The following IFT88 variants were observed in gnomAD, a reference collection of about 807,000 sequenced individuals.
The protein encoded by IFT88 is intraflagellar transport protein 88 homolog.
In IFT88, 74 loss-of-function variants were observed where a neutral mutation model predicts 119.5. The ratio of observed to expected loss-of-function variants is 0.62; its 90% CI spans 0.51 to 0.75. The LOEUF (loss-of-function observed/expected upper bound fraction) is 0.75, where lower values mean the gene tolerates loss of function less well. Ranked by LOEUF, IFT88 falls within the 30% of genes least tolerant of loss-of-function variation. The probability of loss-of-function intolerance (pLI) is 0.00; values close to 1 mark genes in which losing one functional copy is unlikely to be tolerated. For missense variants in IFT88, 961 were observed against 977.7 expected, an observed-to-expected ratio of 0.98 and a Z score of 0.23; for synonymous variants, 279 against 316.7, an observed-to-expected ratio of 0.88 and a Z score of 1.26.
intron 24 of IFT88, among the ~76,000 whole-genome samples, chr13:20,672,209 C>G (rs909069894): frequency 6.6e-6 from 1 of 152,086 alleles, no homozygotes; most frequent in African/African-American, 2.4e-5. Flanking sequence ...CAGTCAAATT[C>G]AATTTATAAC....
At chr13:20,606,687 T>C (rs1239212349) in intron 13 of IFT88, among the ~76,000 whole-genome samples, 1 of 152,166 alleles carries the variant, frequency 6.6e-6, no homozygotes, top group East Asian at 1.9e-4. Flanking sequence ...GAGACCAGCC[T>C]GACCAATATG....
chr13:20,570,623 G>T (rs1469375252), intron 1 of IFT88, among the ~76,000 whole-genome samples: 2 of 152,118 alleles, frequency 1.3e-5, no homozygotes, highest in Non-Finnish European at 2.9e-5. Flanking sequence ...GCTACATATT[G>T]TGTAATTTCC....
At chr13:20,640,522 G>A (rs1276594646) in intron 17 of IFT88, among the ~76,000 whole-genome samples, 1 of 151,824 alleles carries the variant, frequency 6.6e-6, no homozygotes, top group Non-Finnish European at 1.5e-5. Flanking sequence ...GCAGTGAGCC[G>A]AGATTGTGCC....
chr13:20,645,347 C>T (rs2050580702), intron 20 of IFT88, among the ~76,000 whole-genome samples: 1 of 152,178 alleles, frequency 6.6e-6, no homozygotes, highest in Non-Finnish European at 1.5e-5. Flanking sequence ...GCCTCAGCCT[C>T]CCAAAGTGCT....
chr13:20,675,981 G>C (rs1421033473), intron 24 of IFT88, among the ~76,000 whole-genome samples: 1 of 152,196 alleles, frequency 6.6e-6, no homozygotes, highest in Admixed American at 6.5e-5. Context: ...TTTGATCAAA[G>C]CACTGCTTGA....
intron 24 of IFT88, among the ~76,000 whole-genome samples, chr13:20,682,284 C>T (rs1008037731): frequency 2.6e-5 from 4 of 152,184 alleles, no homozygotes; most frequent in African/African-American, 7.2e-5. Flanking sequence ...AATGCTGTGT[C>T]GGAAAAATCA....
intron 14 of IFT88, among the ~76,000 whole-genome samples, chr13:20,624,036 T>A (rs2046934226): frequency 6.6e-6 from 1 of 152,226 alleles, no homozygotes; most frequent in African/African-American, 2.4e-5. Context: ...TATTATCTTT[T>A]CCTTTTTTGA....
Position 20,568,107 on chromosome 13 carries a change from G to T in IFT88, c.-7+851G>T, listed in dbSNP as rs141865659. The T allele has an allele frequency of 3.5e-3, 2,376 of 669,414 alleles. 78 individuals are homozygous for T. In the East Asian group the frequency reaches 0.061, roughly 17 times the overall value. The allele number at this position is 669,414 out of a possible 1,614,324, so 41.5% of individuals were successfully genotyped here. ...CAAAGCCGTCCTGTGCCACGTGCGG[G>T]CCGGGGTTGGAAAAGCTTGAAGTAG... On this transcript the variant is annotated intron_variant, in intron 1 of 25. Transcript: ENST00000351808.
At position 20,590,961 on chromosome 13, in the gene IFT88, T is replaced by C; in HGVS notation, c.211-6T>C. The C allele has an allele frequency of 6.2e-7, 1 of 1,602,476 alleles. No individual in the cohort carries two copies. The highest frequency in any genetic ancestry group is 8.5e-7 in the Non-Finnish European group (1 of 1,171,970). On this transcript the variant is annotated splice_polypyrimidine_tract_variant and splice_region_variant and intron_variant, in intron 4 of 25. Transcript: ENST00000351808. ...ATCTTTTTAACTTAACTTTTCTGTT[T>C]ACTAGTCCAAGACATCTCTGGCATC... is the stretch of plus-strand genomic sequence containing the variant.
intron 14 of IFT88, among the ~76,000 whole-genome samples, chr13:20,616,618 A>G (rs2045651091): frequency 6.6e-6 from 1 of 152,228 alleles, no homozygotes; most frequent in Non-Finnish European, 1.5e-5. Flanking sequence ...TTGCACAATG[A>G]TGAAATTGCC....
At chr13:20,656,219 C>A in intron 21 of IFT88, 146 bp from the exon 22 acceptor site, 2 of 294,854 alleles carry the variant, frequency 6.8e-6, no homozygotes, top group Non-Finnish European at 1.3e-5. Context: ...ACATTTTCTT[C>A]TAAAAGTTAT....
intron 24 of IFT88, among the ~76,000 whole-genome samples, chr13:20,684,032 G>A (rs538291779): frequency 6.6e-6 from 1 of 152,298 alleles, no homozygotes; most frequent in East Asian, 1.9e-4. Context: ...TTCTTTAACA[G>A]TCTCATTACA....
At chr13:20,681,890 G>A (rs912396267) in intron 24 of IFT88, among the ~76,000 whole-genome samples, 9 of 152,228 alleles carry the variant, frequency 5.9e-5, no homozygotes, top group Non-Finnish European at 1.5e-5. Context: ...TGAATAAGAA[G>A]CTTTACCATT....
At chr13:20,650,465 C>T (rs938151137) in intron 20 of IFT88, among the ~76,000 whole-genome samples, 1 of 152,130 alleles carries the variant, frequency 6.6e-6, no homozygotes, top group African/African-American at 2.4e-5. Flanking sequence ...GAAAGAACTT[C>T]CTTAACGTGT....
At chr13:20,650,472 G>A (rs553359565) in intron 20 of IFT88, among the ~76,000 whole-genome samples, 4 of 152,230 alleles carry the variant, frequency 2.6e-5, no homozygotes, top group Non-Finnish European at 4.4e-5. Context: ...CTTCCTTAAC[G>A]TGTTAAAGTA....
chr13:20,584,197 G>A (rs751125173), intron 3 of IFT88, among the ~76,000 whole-genome samples: 7 of 151,478 alleles, frequency 4.6e-5, no homozygotes, highest in Non-Finnish European at 1.0e-4. Context: ...GATTTGATAA[G>A]GATTGTATTG....
rs1209934278 is a variant in IFT88, at chr13:20,623,473, T to TTTTTG, written c.1200-2261_1200-2257dup. 3.9e-5 allele frequency among the ~76,000 whole-genome samples: 6 copies of TTTTTG among 152,096 alleles called. No homozygotes were observed. In the South Asian group the frequency reaches 6.2e-4, roughly 16 times the overall value. On this transcript the variant is annotated intron_variant, in intron 14 of 25. Coordinates refer to ENST00000351808, the MANE Select transcript of IFT88 (RefSeq NM_006531.5). ...TGGGACATGTTTCCATTTATTGATG[T>TTTTTG]TTTTGTTTTGTTTTGTTTTGAGATG...
intron 23 of IFT88, among the ~76,000 whole-genome samples, chr13:20,665,493 A>G (rs1416058949): frequency 6.6e-6 from 1 of 152,260 alleles, no homozygotes; most frequent in African/African-American, 2.4e-5. Flanking sequence ...TATATGTGTA[A>G]TAATGGCTTT....
chr13:20,580,484 A>C (rs905376803), intron 2 of IFT88, among the ~76,000 whole-genome samples: 2 of 151,752 alleles, frequency 1.3e-5, no homozygotes, highest in Non-Finnish European at 2.9e-5. Context: ...GCCATTGCAC[A>C]ATGAGCCAAG....
Sources: gnomAD v4.1 joint callset for allele counts (sites outside exome capture counted in the v4.1 genomes callset) on GRCh38, gnomAD v4.1.1 for gene constraint, MANE v1.5 for transcripts, NCBI Gene and HGNC (gene_info 2026-07-23, HGNC 2026-07-21) for gene names.